AK7: variants seen among roughly 807,000 people sequenced by gnomAD.
AK7 encodes the protein adenylate kinase 7, also known as ATP-AMP transphosphorylase 7.
AK7 carries 78 observed loss-of-function variants against 96.6 expected under a neutral mutation model. The observed-to-expected ratio is 0.81, with a 90% CI of 0.67 to 0.97. The LOEUF (loss-of-function observed/expected upper bound fraction) is 0.97, where lower values mean the gene tolerates loss of function less well. Ranked by LOEUF, AK7 falls within the 50% of genes least tolerant of loss-of-function variation. AK7 has a pLI of 0.00. For missense variants in AK7, 855 were observed against 887.9 expected (o/e 0.96, Z 0.47); for synonymous variants, 302 against 317.2 (o/e 0.95, Z 0.51).
At chr14:96,462,350 C>T (rs1894300630) in intron 12 of AK7, among the ~76,000 whole-genome samples, 1 of 152,178 alleles carries the variant, frequency 6.6e-6, no homozygotes, top group South Asian at 2.1e-4. Context: ...TTACCTGAGA[C>T]GAAAACATGG....
chr14:96,396,681 A>C (rs1247370317), intron 1 of AK7, among the ~76,000 whole-genome samples: 2 of 152,230 alleles, frequency 1.3e-5, no homozygotes, highest in Non-Finnish European at 2.9e-5. Flanking sequence ...CTTAATAGAT[A>C]AATTAAAATA....
At chr14:96,468,548 C>T (rs755710790) in intron 12 of AK7, among the ~76,000 whole-genome samples, 3 of 152,002 alleles carry the variant, frequency 2.0e-5, no homozygotes, top group Non-Finnish European at 4.4e-5. Flanking sequence ...CCACCTGCCT[C>T]GGGCTCCCAA....
At chr14:96,482,853 T>G (rs1400975996) in intron 15 of AK7, 146 bp from the exon 16 acceptor site, 22 of 885,568 alleles carry the variant, frequency 2.5e-5, no homozygotes, top group Non-Finnish European at 3.4e-5. Flanking sequence ...GAAGAAATTC[T>G]GAACTATGCT....
At chr14:96,477,733 G>A (rs747784180) in intron 14 of AK7, among the ~76,000 whole-genome samples, 38 of 152,196 alleles carry the variant, frequency 2.5e-4, no homozygotes, top group Non-Finnish European at 2.9e-4. Flanking sequence ...CATGTTGTAC[G>A]TAAGTGTTTC....
chr14:96,462,080 C>G (rs1186334115), intron 12 of AK7, among the ~76,000 whole-genome samples: 1 of 152,144 alleles, frequency 6.6e-6, no homozygotes, highest in African/African-American at 2.4e-5. Context: ...TCCAGAGGGC[C>G]TGTCCTCTCA....
At position 96,472,979 on chromosome 14, in the gene AK7, G is replaced by A. The variant is rs45574140; in HGVS notation, c.1555+224G>A. 7.4e-3 allele frequency among the ~76,000 whole-genome samples: 1,128 copies of A among 152,144 alleles called. 10 individuals carry two copies. The highest frequency in any genetic ancestry group is 0.013 in the Non-Finnish European group (870 of 67,996). On this transcript the variant is annotated intron_variant, in intron 14 of 17. Coordinates refer to ENST00000267584, the MANE Select transcript of AK7 (RefSeq NM_152327.5). The stretch of plus-strand genomic sequence containing the variant: ...TGCCTGTAGTCCTAGCTACTCGGGA[G>A]GCTAAGGCAGGAGAATCACTTGAAC...
At chr14:96,442,389 C>A (rs759639297) in intron 6 of AK7, among the ~76,000 whole-genome samples, 2 of 152,204 alleles carry the variant, frequency 1.3e-5, no homozygotes, top group African/African-American at 2.4e-5. Context: ...GAATGCCATG[C>A]GTATAGCTAC....
chr14:96,460,437 A>G (rs956094883), intron 12 of AK7, among the ~76,000 whole-genome samples: 1 of 152,100 alleles, frequency 6.6e-6, no homozygotes, highest in Non-Finnish European at 1.5e-5. Flanking sequence ...GGGGAGAAGG[A>G]CAGAGAAGGA....
rs527967145 is a variant in AK7 at position 96,417,010 on chromosome 14, A to G, written c.499-3812A>G. On this transcript the variant is annotated intron_variant, in intron 4 of 17. Coordinates refer to ENST00000267584, the MANE Select transcript of AK7 (RefSeq NM_152327.5). ...CTATGGTTCTCTTATGGTTCACCTCATGGAATGTGACCATTTCCCTGGCAG... is the reference window on the plus strand; with the variant it reads ...CTATGGTTCTCTTATGGTTCACCTCGTGGAATGTGACCATTTCCCTGGCAG... 8.3e-4 allele frequency among the ~76,000 whole-genome samples: 127 copies of G among 152,344 alleles called. 1 individual carries two copies. The highest frequency in any genetic ancestry group is 3.0e-3 in the African/African-American group (124 of 41,580).
intron 1 of AK7, among the ~76,000 whole-genome samples, chr14:96,397,837 A>G (rs548152977): frequency 6.6e-6 from 1 of 152,348 alleles, no homozygotes; most frequent in African/African-American, 2.4e-5. Flanking sequence ...GTATCCGGAA[A>G]CAAGTTAATT....
intron 4 of AK7, 113 bp from the exon 5 acceptor site, chr14:96,420,709 A>G (rs1311654332): frequency 4.0e-6 from 3 of 751,770 alleles, no homozygotes; most frequent in Non-Finnish European, 6.3e-6. Context: ...AAAAAAATAA[A>G]TCAAGCGGTA....
chr14:96,411,585 T>G (rs1225596600), intron 4 of AK7, among the ~76,000 whole-genome samples: 1 of 152,112 alleles, frequency 6.6e-6, no homozygotes, highest in African/African-American at 2.4e-5. Context: ...CAAATACTGC[T>G]AAGTATTTTA....
In AK7 at chr14:96,471,359, A is replaced by G. The variant is rs573246729; in HGVS notation, c.1358-119A>G. 34 of 528,164 alleles carry G rather than the reference A, an allele frequency of 6.4e-5. No homozygotes were observed. The East Asian group carries it at 8.8e-4, about 14-fold the overall frequency. The allele number at this position is 528,164 out of a possible 1,614,324, so 32.7% of individuals were successfully genotyped here. ...AAAAAAAAAAAAAAAAAAAAAGCAAAATAGGGATTTCCAATAGTACCTTTG... is the reference window on the plus strand; with the variant it reads ...AAAAAAAAAAAAAAAAAAAAAGCAAGATAGGGATTTCCAATAGTACCTTTG... On this transcript the variant is annotated intron_variant, in intron 12 of 17. Transcript: ENST00000267584.
intron 16 of AK7, among the ~76,000 whole-genome samples, chr14:96,484,576 T>G (rs544469318): frequency 6.6e-6 from 1 of 152,338 alleles, no homozygotes; most frequent in African/African-American, 2.4e-5. Context: ...CCAATGGTGG[T>G]CTTGGTCATC....
chr14:96,408,372 T>G (rs951145254), intron 3 of AK7, among the ~76,000 whole-genome samples: 2 of 152,236 alleles, frequency 1.3e-5, no homozygotes. Context: ...CTGGGCAAAC[T>G]GTGCCTCGGT....
intron 12 of AK7, among the ~76,000 whole-genome samples, chr14:96,461,990 G>A (rs919951538): frequency 3.9e-5 from 6 of 152,138 alleles, no homozygotes; most frequent in South Asian, 2.1e-4. Context: ...CTCTTTTCAC[G>A]CTTGGGGAGG....
Position 96,398,264 on chromosome 14 carries a change from G to C in AK7, c.294+1G>C. 1 of 1,612,498 alleles carries C rather than the reference G, an allele frequency of 6.2e-7. No homozygotes were observed. The highest frequency in any genetic ancestry group is 8.5e-7 in the Non-Finnish European group (1 of 1,179,886). On this transcript the variant is annotated splice_donor_variant, in intron 2 of 17. Transcript: ENST00000267584. LOFTEE classifies it high-confidence loss of function. ...TGACTTTGCGGTGGAGACGTACTCT[G>C]TAAGTCCCGGAGGCTCTGGCCAGGA...
Position 96,483,114 on chromosome 14 carries a change from G to C in AK7, c.1869G>C (p.Arg623=), listed in dbSNP as rs573077188. The C allele has an allele frequency of 1.2e-5, 19 of 1,614,190 alleles. No homozygotes were observed. In the East Asian group the frequency reaches 3.6e-4, roughly 30 times the overall value. Residue 623 remains arginine, a synonymous_variant, in exon 16 of 18, where the codon CGG becomes CGC. Transcript: ENST00000267584. The part of the protein sequence containing the change: ...LTDEEKAEEE[R]KAAEERLARE... The stretch of plus-strand genomic sequence containing the variant: ...ACGAAGAAAAGGCAGAAGAGGAGCG[G>C]AAGGCTGCGGAGGAGCGGCTGGCCA...
At position 96,488,485 on chromosome 14, in the gene AK7, A is replaced by G. The variant is rs766060852; in HGVS notation, c.*142A>G. 8 of 642,452 alleles carry G rather than the reference A, an allele frequency of 1.2e-5. No individual in the cohort carries two copies. The highest frequency in any genetic ancestry group is 2.1e-5 in the Non-Finnish European group (8 of 380,786). 39.8% of individuals were successfully genotyped at this position (642,452 alleles called of 1,614,324 possible). ...AAATATTCTATAAACTAGAATCTCT[A>G]TTAAAAGCTATATGACATGACTATG... On this transcript the variant is annotated 3_prime_UTR_variant, in exon 18 of 18. Coordinates refer to ENST00000267584, the MANE Select transcript of AK7 (RefSeq NM_152327.5).
Sources: gnomAD v4.1 joint callset for allele counts (sites outside exome capture counted in the v4.1 genomes callset) on GRCh38, gnomAD v4.1.1 for gene constraint, MANE v1.5 for transcripts, NCBI Gene and HGNC (gene_info 2026-07-23, HGNC 2026-07-21) for gene names.